Variants in DAB1 observed in about 807,000 individuals in gnomAD.
The protein encoded by DAB1 is disabled homolog 1.
DAB1 carries 15 observed loss-of-function variants against 64.6 expected under a neutral mutation model. The ratio of observed to expected loss-of-function variants is 0.23; its 90% confidence interval spans 0.16 to 0.36. The LOEUF is 0.36. Ranked by LOEUF, DAB1 falls within the 10% of genes least tolerant of loss-of-function variation. The probability of loss-of-function intolerance (pLI) is 1.00; values close to 1 mark genes in which losing one functional copy is unlikely to be tolerated. For synonymous variants in DAB1, 235 were observed against 251.9 expected, an observed-to-expected ratio of 0.93 and a Z score of 0.64; for missense variants, 596 against 706.7, an observed-to-expected ratio of 0.84 and a Z score of 1.78.
At chr1:57,913,010 C>A (rs1644670707) in intron 5 of DAB1, among the ~76,000 whole-genome samples, 1 of 152,138 alleles carries the variant, frequency 6.6e-6, no homozygotes, top group Non-Finnish European at 1.5e-5. Flanking sequence ...TGAAAATGGC[C>A]ATACTGTGCA....
At chr1:57,169,978 T>TC in intron 2 of DAB1, among the ~76,000 whole-genome samples, 1 of 149,956 alleles carries the variant, frequency 6.7e-6, no homozygotes, top group South Asian at 2.1e-4. Context: ...TACCATGCCT[T>TC]TTTCTTTTTC....
At chr1:57,784,424 G>T (rs1327865319) in intron 6 of DAB1, among the ~76,000 whole-genome samples, 4 of 151,974 alleles carry the variant, frequency 2.6e-5, no homozygotes, top group Admixed American at 6.6e-5. Flanking sequence ...AAAAAGCTGA[G>T]ATAGGTATCT....
intron 6 of DAB1, among the ~76,000 whole-genome samples, chr1:57,690,508 C>T (rs1201789637): frequency 1.3e-5 from 2 of 152,180 alleles, no homozygotes; most frequent in Non-Finnish European, 2.9e-5. Context: ...TCACCTTTTG[C>T]CATGACTGAA....
At chr1:57,924,440 A>T (rs916800714) in intron 5 of DAB1, among the ~76,000 whole-genome samples, 4 of 151,990 alleles carry the variant, frequency 2.6e-5, no homozygotes, top group South Asian at 4.2e-4. Flanking sequence ...TCACTGGGGG[A>T]CCAGGGATGA....
intron 2 of DAB1, among the ~76,000 whole-genome samples, chr1:57,222,108 G>A (rs947250729): frequency 6.6e-6 from 1 of 151,956 alleles, no homozygotes; most frequent in Admixed American, 6.6e-5. Flanking sequence ...TGTTGTTATT[G>A]TTCCTTTTTT....
At chr1:57,253,431 A>C (rs1053693204) in intron 2 of DAB1, among the ~76,000 whole-genome samples, 2 of 152,158 alleles carry the variant, frequency 1.3e-5, no homozygotes, top group Non-Finnish European at 2.9e-5. Context: ...CAAAATGCAG[A>C]GGGAGAGGAG....
In DAB1 at chr1:57,060,125, TTTTTATTTTATTTTATTTTA is replaced by T. The variant is rs71051217; in HGVS notation, c.723+2739_723+2758del. Among the ~76,000 whole-genome samples, 9 of 135,976 alleles carry T rather than the reference TTTTTATTTTATTTTATTTTA, an allele frequency of 6.6e-5. No individual in the cohort carries two copies. In the South Asian group the frequency reaches 2.0e-3, roughly 30 times the overall value. 89.2% of individuals were successfully genotyped at this position (135,976 alleles called of 152,430 possible). A position where few individuals can be genotyped will look rare whatever the true frequency, so the allele number is the denominator to read the frequency against. ...TCTACAGATAGAGTCATTCATATATTTTTTATTTTATTTTATTTTATTTTATTTTATTTTATTTTATTTGA... is the reference window on the plus strand; with the variant it reads ...TCTACAGATAGAGTCATTCATATATTTTTTATTTTATTTTATTTTATTTGA... On this transcript the variant is annotated intron_variant, in intron 9 of 14. Coordinates refer to ENST00000371236, the MANE Select transcript of DAB1 (RefSeq NM_001365792.1).
intron 8 of DAB1, among the ~76,000 whole-genome samples, chr1:57,067,282 A>G (rs1228362928): frequency 6.6e-6 from 1 of 152,194 alleles, no homozygotes; most frequent in Non-Finnish European, 1.5e-5. Context: ...AAAGGGACTT[A>G]GAATCGAATT....
intron 6 of DAB1, among the ~76,000 whole-genome samples, chr1:57,706,647 A>C (rs1646969923): frequency 6.6e-6 from 1 of 151,414 alleles, no homozygotes; most frequent in Admixed American, 6.6e-5. Flanking sequence ...TTTTCTCCCC[A>C]TTTTTCTTTG....
intron 6 of DAB1, among the ~76,000 whole-genome samples, chr1:57,723,747 G>A (rs971818373): frequency 2.6e-5 from 4 of 152,112 alleles, no homozygotes; most frequent in African/African-American, 9.7e-5. Context: ...CATTTTTCTG[G>A]AGGATAAACC....
At chr1:57,962,873 CA>C (rs1247473806) in intron 5 of DAB1, among the ~76,000 whole-genome samples, 15 of 127,178 alleles carry the variant, frequency 1.2e-4, no homozygotes, top group South Asian at 5.1e-4. Context: ...GATCCTGTCT[CA>C]AAAAAAAAAC....
chr1:58,425,334 G>T (rs1183510385), intron 3 of DAB1, among the ~76,000 whole-genome samples: 1 of 152,202 alleles, frequency 6.6e-6, no homozygotes, highest in African/African-American at 2.4e-5. Flanking sequence ...TCCTGACAGT[G>T]CTCACATCCC....
intron 3 of DAB1, among the ~76,000 whole-genome samples, chr1:58,356,038 T>C (rs1410476722): frequency 6.6e-6 from 1 of 152,228 alleles, no homozygotes; most frequent in Non-Finnish European, 1.5e-5. Context: ...CAACTTCTGC[T>C]CTGGCCTTTC....
intron 5 of DAB1, among the ~76,000 whole-genome samples, chr1:57,977,290 C>A (rs1433948254): frequency 6.6e-6 from 1 of 152,156 alleles, no homozygotes; most frequent in East Asian, 1.9e-4. Context: ...GGATGGCTGT[C>A]ATTATTGTCA....
chr1:58,280,415 A>G (rs1391921618), intron 4 of DAB1, among the ~76,000 whole-genome samples: 1 of 152,230 alleles, frequency 6.6e-6, no homozygotes, highest in Non-Finnish European at 1.5e-5. Flanking sequence ...TGGTTCAGCC[A>G]CCCGAGACCT....
chr1:57,337,496 C>T (rs146260676), intron 1 of DAB1, among the ~76,000 whole-genome samples: 129 of 152,290 alleles, frequency 8.5e-4, no homozygotes, highest in African/African-American at 2.9e-3. Flanking sequence ...CTTAGGGAAG[C>T]CTTCCTCAGT....
At chr1:57,822,301 CA>C (rs530210227), downstream of DAB1, among the ~76,000 whole-genome samples, 9 of 151,940 alleles carry the variant, frequency 5.9e-5, no homozygotes, top group South Asian at 1.9e-3. Context: ...TTCTTCTATC[CA>C]AAGGGAGTGC....
At chr1:58,266,417 A>T (rs1291158980) in intron 4 of DAB1, among the ~76,000 whole-genome samples, 1 of 152,226 alleles carries the variant, frequency 6.6e-6, no homozygotes, top group African/African-American at 2.4e-5. Context: ...TTCCACGAGT[A>T]GAACAGAAGC....
Position 57,869,608 on chromosome 1 carries a change from G to A in DAB1, n.87+14391C>T, listed in dbSNP as rs148022441. ...ACAAGGTAATAGAAGTCAAAGTCACGTGCCAGCTAGGCCTGCTACCCTCCT... is the reference window on the plus strand; with the variant it reads ...ACAAGGTAATAGAAGTCAAAGTCACATGCCAGCTAGGCCTGCTACCCTCCT... On this transcript the variant is annotated intron_variant and non_coding_transcript_variant, in intron 1 of 1. Transcript: ENST00000477280. Among the ~76,000 whole-genome samples the A allele has an allele frequency of 3.9e-5, 6 of 152,168 alleles. No individual in the cohort carries two copies. In the South Asian group the frequency reaches 6.2e-4, roughly 16 times the overall value.
Sources: allele counts gnomAD v4.1 joint callset (sites outside exome capture counted in the v4.1 genomes callset), GRCh38; gene constraint gnomAD v4.1.1; transcripts MANE v1.5; gene names NCBI Gene and HGNC (gene_info 2026-07-23, HGNC 2026-07-21).